The following IPPK variants were observed in gnomAD, a reference collection of about 807,000 sequenced individuals.
The protein encoded by IPPK is inositol-pentakisphosphate 2-kinase.
Under a neutral mutation model 64.6 loss-of-function variants are expected in IPPK, and 22 were observed. The observed-to-expected ratio is 0.34, with a 90% CI of 0.24 to 0.49. IPPK has a LOEUF of 0.49. Among genes scored for constraint, IPPK ranks in the 20% least tolerant of loss-of-function variants. The probability of loss-of-function intolerance (pLI) is 0.99; values close to 1 mark genes in which losing one functional copy is unlikely to be tolerated. For missense variants in IPPK, 532 were observed against 630.7 expected (o/e 0.84, Z 1.68); for synonymous variants, 262 against 247.2 (o/e 1.06, Z -0.56).
chr9:92,650,269 T>C (rs970502018), intron 4 of IPPK, among the ~76,000 whole-genome samples: 3 of 151,448 alleles, frequency 2.0e-5, no homozygotes, highest in African/African-American at 7.3e-5. Flanking sequence ...GAGGTTGCAG[T>C]GAGCCCAGAT....
chr9:92,651,019 G>C (rs1213651337), intron 4 of IPPK, among the ~76,000 whole-genome samples: 1 of 152,112 alleles, frequency 6.6e-6, no homozygotes, highest in Non-Finnish European at 1.5e-5. Context: ...ATGGCAGGCT[G>C]AGCAGCAGAG....
intron 12 of IPPK, chr9:92,618,773 T>C: frequency 2.8e-6 from 1 of 356,366 alleles, no homozygotes; most frequent in East Asian, 7.4e-5. Context: ...GGGAACTGTT[T>C]AGTTCAAAAG....
At chr9:92,642,563 C>A (rs1238409419) in intron 7 of IPPK, among the ~76,000 whole-genome samples, 189 bp downstream of exon 7, 2 of 152,216 alleles carry the variant, frequency 1.3e-5, no homozygotes, top group Non-Finnish European at 2.9e-5. Flanking sequence ...ACTGTGAGCA[C>A]AGAGACAAGG....
chr9:92,668,301 T>C (rs1852645226), intron 1 of IPPK, among the ~76,000 whole-genome samples: 1 of 152,012 alleles, frequency 6.6e-6, no homozygotes, highest in African/African-American at 2.4e-5. Flanking sequence ...AAACAATCAT[T>C]ACAATCAGAG....
At chr9:92,637,451 C>T (rs1851961993) in intron 9 of IPPK, among the ~76,000 whole-genome samples, 1 of 152,210 alleles carries the variant, frequency 6.6e-6, no homozygotes, top group Admixed American at 6.5e-5. Flanking sequence ...TGCCAAGAAT[C>T]ACGGGCAGCG....
At chr9:92,652,546 C>T (rs7857502) in intron 4 of IPPK, 27 bp downstream of exon 4, 248,307 of 1,234,430 alleles carry the variant, frequency 0.2, 32,259 homozygotes, top group East Asian at 0.68. Context: ...AAATTACAAA[C>T]AATATCTGTA....
Position 92,635,116 on chromosome 9 carries a change from C to T in IPPK, c.1067+42G>A, listed in dbSNP as rs1254925503. 1 of 1,562,334 alleles carries T rather than the reference C, an allele frequency of 6.4e-7. No homozygotes were observed. The highest frequency in any genetic ancestry group is 8.7e-7 in the Non-Finnish European group (1 of 1,151,042). ...TTCTTACCCTGCCCACTCCCACAGT[C>T]TCCTCTCAGGGCTGCCCAACAGGGG... On this transcript the variant is annotated intron_variant, in intron 10 of 12. Coordinates refer to ENST00000287996, the MANE Select transcript of IPPK (RefSeq NM_022755.6). The surrounding 1 kb of genome is among the most constrained non-coding windows in gnomAD (Gnocchi z 4.4).
chr9:92,615,927 A>C lies in IPPK; in HGVS notation c.1381T>G (p.Tyr461Asp). 1 of 1,614,178 alleles carries C rather than the reference A, an allele frequency of 6.2e-7. No homozygotes were observed. The highest frequency in any genetic ancestry group is 8.5e-7 in the Non-Finnish European group (1 of 1,180,028). Reference sequence around the variant, plus strand: ...TTGGCACGTACAGTCTTTGAATAATAGTTGACGATCTTGCCGTCCAGTTTA... The same window carrying C: ...TTGGCACGTACAGTCTTTGAATAATCGTTGACGATCTTGCCGTCCAGTTTA... ...QYKLDGKIVN[Y>D]YSKTVRAKDN... The change falls in exon 13 of 13, where the codon TAT (tyrosine) becomes GAT (aspartate). Residue 461 changes from tyrosine to aspartate, a missense_variant. Coordinates refer to ENST00000287996, the MANE Select transcript of IPPK (RefSeq NM_022755.6).
At position 92,648,165 on chromosome 9, in the gene IPPK, T is replaced by A. The variant is rs756155747; in HGVS notation, c.415-17A>T. 2 of 1,578,464 alleles carry A rather than the reference T, an allele frequency of 1.3e-6. No homozygotes were observed. The highest frequency in any genetic ancestry group is 2.2e-5 in the East Asian group (1 of 44,604). ...ACATTTTGGCTGTAAAATAAACAAA[T>A]AAGGAGGAAAAATATTTAGGAAGAA... On this transcript the variant is annotated splice_polypyrimidine_tract_variant and intron_variant, in intron 5 of 12. Transcript: ENST00000287996.
At chr9:92,632,495 C>T (rs1439050778) in intron 11 of IPPK, among the ~76,000 whole-genome samples, 1 of 152,228 alleles carries the variant, frequency 6.6e-6, no homozygotes, top group Non-Finnish European at 1.5e-5. Flanking sequence ...GTAATCCATA[C>T]TTATTTTGTG....
At chr9:92,661,976 G>A (rs1030162306) in intron 1 of IPPK, among the ~76,000 whole-genome samples, 3 of 152,314 alleles carry the variant, frequency 2.0e-5, no homozygotes, top group African/African-American at 7.2e-5. Flanking sequence ...CACTGTAGCA[G>A]CTCTCATTAG....
Position 92,635,920 on chromosome 9 carries a change from C to T in IPPK, c.917-612G>A, listed in dbSNP as rs1271357071. Among the ~76,000 whole-genome samples the T allele has an allele frequency of 6.6e-6, 1 of 152,090 alleles. No homozygotes were observed. The highest frequency in any genetic ancestry group is 1.5e-5 in the Non-Finnish European group (1 of 68,030). On this transcript the variant is annotated intron_variant, in intron 9 of 12. Coordinates refer to ENST00000287996, the MANE Select transcript of IPPK (RefSeq NM_022755.6). This position sits in a 1 kb window ranked among gnomAD's most constrained non-coding sequence, Gnocchi z 4.4. ...AGCCCACACTGAGAGGCAGGTAAGA[C>T]CTGGGCTGGCGACAGGCACGAGCTC... is the stretch of plus-strand genomic sequence containing the variant.
chr9:92,651,402 G>T (rs1327951163), intron 4 of IPPK, among the ~76,000 whole-genome samples: 2 of 152,218 alleles, frequency 1.3e-5, no homozygotes, highest in African/African-American at 2.4e-5. Context: ...TGGGGATGGA[G>T]GAGAAAGGGA....
chr9:92,633,168 G>C (rs897515640), intron 11 of IPPK, among the ~76,000 whole-genome samples: 1 of 151,744 alleles, frequency 6.6e-6, no homozygotes, highest in African/African-American at 2.4e-5. Context: ...CTGCCACCAC[G>C]CCTGCTTAAT....
chr9:92,647,868 C>A (rs920281810), intron 6 of IPPK, among the ~76,000 whole-genome samples, 191 bp downstream of exon 6: 3 of 152,086 alleles, frequency 2.0e-5, no homozygotes, highest in African/African-American at 7.2e-5. Context: ...TCCAGCCTGA[C>A]AGGGTGACAG....
chr9:92,619,476 G>C lies in IPPK; in HGVS notation c.1250+10C>G, dbSNP rs370859142. On this transcript the variant is annotated intron_variant, in intron 12 of 12. Coordinates refer to ENST00000287996, the MANE Select transcript of IPPK (RefSeq NM_022755.6). Reference sequence around the variant, plus strand: ...GACCCAGGCTGCATGCCTTGCAGTGGGGGCCTCACCTGGCATCCTGCAGAC... The same window carrying C: ...GACCCAGGCTGCATGCCTTGCAGTGCGGGCCTCACCTGGCATCCTGCAGAC... The C allele has an allele frequency of 3.2e-6, 5 of 1,577,672 alleles. No homozygotes were observed. The African/African-American group carries it at 6.7e-5, about 21-fold the overall frequency.
At chr9:92,623,545 C>G (rs900960909) in intron 11 of IPPK, among the ~76,000 whole-genome samples, 1 of 151,858 alleles carries the variant, frequency 6.6e-6, no homozygotes, top group African/African-American at 2.4e-5. Context: ...ACAAAGAATG[C>G]CTTCAAATCA....
At chr9:92,631,473 T>A (rs150904498) in intron 11 of IPPK, among the ~76,000 whole-genome samples, 2 of 152,348 alleles carry the variant, frequency 1.3e-5, no homozygotes, top group African/African-American at 4.8e-5. Flanking sequence ...TAAGCTGCCG[T>A]ACCCGGCCCA....
chr9:92,663,728 A>G (rs1289658305), intron 1 of IPPK, among the ~76,000 whole-genome samples: 1 of 152,212 alleles, frequency 6.6e-6, no homozygotes, highest in East Asian at 1.9e-4. Flanking sequence ...ACAGATGAGG[A>G]GAGACTTTCC....
Sources: allele counts gnomAD v4.1 joint callset (sites outside exome capture counted in the v4.1 genomes callset), GRCh38; gene constraint gnomAD v4.1.1; non-coding constraint Gnocchi (gnomAD v3.1); transcripts MANE v1.5; gene names NCBI Gene and HGNC (gene_info 2026-07-23, HGNC 2026-07-21).